The following TAMM41 variants were observed in gnomAD, a reference collection of about 807,000 sequenced individuals.
The protein encoded by TAMM41 is TAM41 mitochondrial translocator assembly and maintenance homolog.
Under a neutral mutation model 44.1 loss-of-function variants are expected in TAMM41, and 36 were observed. The ratio of observed to expected loss-of-function variants is 0.82; its 90% CI spans 0.63 to 1.08. The LOEUF is 1.08. TAMM41 is among the 50% of genes least tolerant of loss of function. The probability of loss-of-function intolerance (pLI) is 0.00; values close to 1 mark genes in which losing one functional copy is unlikely to be tolerated. For synonymous variants in TAMM41, 164 were observed against 153.1 expected, an observed-to-expected ratio of 1.07 and a Z score of -0.53; for missense variants, 417 against 404.3, an observed-to-expected ratio of 1.03 and a Z score of -0.27.
chr3:11,788,165 C>T (rs2124904164), downstream of TAMM41, among the ~76,000 whole-genome samples: 1 of 152,282 alleles, frequency 6.6e-6, no homozygotes, highest in Admixed American at 6.5e-5. Context: ...CCCTGGTGTT[C>T]TGTGCTCCAA....
chr3:11,769,122 C>T, the TAMM41 span, among the ~76,000 whole-genome samples: 23 of 152,166 alleles, frequency 1.5e-4, no homozygotes. Flanking sequence ...AACAGTCTCA[C>T]TCTGCGCCCA....
chr3:11,772,195 G>A, the TAMM41 span, among the ~76,000 whole-genome samples: 3 of 150,532 alleles, frequency 2.0e-5, no homozygotes, highest in African/African-American at 4.9e-5. Flanking sequence ...CTCAGCCTCC[G>A]GACTAGCTGG....
chr3:11,821,121 A>G (rs559419815), intron 4 of TAMM41, among the ~76,000 whole-genome samples: 5 of 152,182 alleles, frequency 3.3e-5, no homozygotes, highest in Admixed American at 6.5e-5. Context: ...GCAGTCCCCA[A>G]ACTTTCTGGC....
the TAMM41 span, among the ~76,000 whole-genome samples, chr3:11,777,916 G>GCCCCCCATTACCCACCTAAA: frequency 6.6e-6 from 1 of 151,888 alleles, no homozygotes. Flanking sequence ...TCACTCCTAA[G>GCCCCCCATTACCCACCTAAA]CCCCCAAGCC....
Position 11,846,729 on chromosome 3 carries a change from G to A in TAMM41, c.-93C>T, listed in dbSNP as rs1240978895. 3 of 1,518,480 alleles carry A rather than the reference G, an allele frequency of 2.0e-6. No individual in the cohort carries two copies. In the African/African-American group the frequency reaches 4.1e-5, roughly 21 times the overall value. 94.1% of individuals were successfully genotyped at this position (1,518,480 alleles called of 1,614,324 possible). On this transcript the variant is annotated 5_prime_UTR_variant, in exon 1 of 8. Transcript: ENST00000455809. ...GGGTAGGCGGTTTAGGGTGGGAAAT[G>A]GAAGTCGGAGACTGGATCGAGGGAC...
At chr3:11,729,169 A>G in the TAMM41 span, among the ~76,000 whole-genome samples, 29 of 152,278 alleles carry the variant, frequency 1.9e-4, no homozygotes, top group African/African-American at 6.5e-4. Flanking sequence ...GTGGCATCTA[A>G]CACTATTCTA....
rs111389006 is a variant in TAMM41 at position 11,803,011 on chromosome 3, C to A, written c.937+4822G>T. On this transcript the variant is annotated intron_variant, in intron 7 of 7. Transcript: ENST00000455809. ...AATAGCCTGGGCACAGTGACTTATA[C>A]CTGTAATCCCAGCACTTTGGGAGGC... Among the ~76,000 whole-genome samples the A allele has an allele frequency of 6.2e-3, 938 of 152,288 alleles. 6 individuals are homozygous for A. Among genetic ancestry groups the A allele is most frequent in the Middle Eastern group, 0.034 (10 of 294 alleles).
At chr3:11,722,071 T>C in the TAMM41 span, 1 of 152,256 alleles carries the variant, frequency 6.6e-6, no homozygotes, top group Admixed American at 6.5e-5. Flanking sequence ...TTGATCTTTA[T>C]GACAACATTG....
rs199804861 is a variant in TAMM41 at position 11,813,920 on chromosome 3, GTA to G, written c.708+3270_708+3271del. On this transcript the variant is annotated intron_variant, in intron 5 of 7. Coordinates refer to ENST00000455809, the MANE Select transcript of TAMM41 (RefSeq NM_001284401.2). ...TATATGTATATATGTGTGTATATAT[GTA>G]TATATGTGTGTATATATGTGTATAT... Among the ~76,000 whole-genome samples the G allele has an allele frequency of 1.1e-3, 160 of 143,422 alleles. 1 individual carries two copies. In the East Asian group the frequency reaches 0.018, roughly 16 times the overall value. The allele number at this position is 143,422 out of a possible 152,430, so 94.1% of individuals were successfully genotyped here. A position where few individuals can be genotyped will look rare whatever the true frequency, so the allele number is the denominator to read the frequency against.
At chr3:11,835,817 C>T (rs978336970) in intron 3 of TAMM41, among the ~76,000 whole-genome samples, 5 of 152,122 alleles carry the variant, frequency 3.3e-5, no homozygotes, top group African/African-American at 7.2e-5. Flanking sequence ...CTGAGGTCAG[C>T]GCCATCAGAC....
chr3:11,767,316 G>A, the TAMM41 span, among the ~76,000 whole-genome samples: 1,860 of 152,110 alleles, frequency 0.012, 43 homozygotes, highest in African/African-American at 0.042. Flanking sequence ...TGATCTGCCC[G>A]CCTCAGCCTC....
the TAMM41 span, among the ~76,000 whole-genome samples, chr3:11,776,966 C>T: frequency 6.6e-6 from 1 of 152,188 alleles, no homozygotes; most frequent in Non-Finnish European, 1.5e-5. Context: ...CTCATAAACA[C>T]AGTAGAATCG....
chr3:11,725,326 TCC>T, the TAMM41 span, among the ~76,000 whole-genome samples: 1 of 133,594 alleles, frequency 7.5e-6, no homozygotes, highest in African/African-American at 3.4e-5. Context: ...CTCCTCCTCC[TCC>T]TTTTTTTCTT....
chr3:11,806,360 C>T (rs562849057), intron 7 of TAMM41, among the ~76,000 whole-genome samples: 5 of 152,054 alleles, frequency 3.3e-5, no homozygotes, highest in South Asian at 2.1e-4. Flanking sequence ...GCTTGTGGGA[C>T]GATGAACTGA....
At chr3:11,837,006 T>A (rs76392418) in intron 3 of TAMM41, among the ~76,000 whole-genome samples, 7 of 152,204 alleles carry the variant, frequency 4.6e-5, no homozygotes, top group Non-Finnish European at 1.0e-4. Context: ...AGGGTACAGT[T>A]TGATAAATTT....
At chr3:11,799,713 G>A (rs2077699314) in intron 7 of TAMM41, among the ~76,000 whole-genome samples, 1 of 152,314 alleles carries the variant, frequency 6.6e-6, no homozygotes, top group African/African-American at 2.4e-5. Context: ...TAGCAAGTGT[G>A]TCAGATATCC....
chr3:11,808,491 G>A (rs1477586613), intron 6 of TAMM41: 3 of 985,748 alleles, frequency 3.0e-6, no homozygotes, highest in South Asian at 4.7e-5. Flanking sequence ...GGCGTGGAGC[G>A]CCTGCTGCAG....
At chr3:11,739,816 A>G in the TAMM41 span, among the ~76,000 whole-genome samples, 1 of 152,128 alleles carries the variant, frequency 6.6e-6, no homozygotes, top group African/African-American at 2.4e-5. Flanking sequence ...CAGAGACTCA[A>G]ATAAATTCCT....
intron 3 of TAMM41, among the ~76,000 whole-genome samples, chr3:11,831,889 CA>C (rs1177159126): frequency 6.6e-6 from 1 of 152,164 alleles, no homozygotes; most frequent in Non-Finnish European, 1.5e-5. Flanking sequence ...TCCTCCCTTA[CA>C]ATTCTGAGGA....
Sources: allele counts gnomAD v4.1 joint callset (sites outside exome capture counted in the v4.1 genomes callset), GRCh38; gene constraint gnomAD v4.1.1; transcripts MANE v1.5; gene names NCBI Gene and HGNC (gene_info 2026-07-23, HGNC 2026-07-21).